The following SYNPR variants were observed in gnomAD, a reference collection of about 807,000 sequenced individuals.
SYNPR encodes the protein synaptoporin.
A neutral mutation model predicts 32.9 loss-of-function variants in SYNPR; 23 were observed. The observed-to-expected ratio is 0.70, with a 90% CI of 0.50 to 0.99. The LOEUF (loss-of-function observed/expected upper bound fraction) is 0.99, where lower values mean the gene tolerates loss of function less well. Among genes scored for constraint, SYNPR ranks in the 50% least tolerant of loss-of-function variants. The pLI, the probability that SYNPR is intolerant of heterozygous loss-of-function variation, is 0.00. For synonymous variants in SYNPR, 146 were observed against 135.9 expected, an observed-to-expected ratio of 1.07 and a Z score of -0.52; for missense variants, 318 against 349.3, an observed-to-expected ratio of 0.91 and a Z score of 0.71.
rs1245306095 is a variant in SYNPR, at chr3:63,595,735, ATATATAT to A, written c.409-13389_409-13383del. Among the ~76,000 whole-genome samples, 7 of 30,198 alleles carry A rather than the reference ATATATAT, an allele frequency of 2.3e-4. No individual in the cohort carries two copies. In the East Asian group the frequency reaches 0.012, roughly 50 times the overall value. 19.8% of individuals were successfully genotyped at this position (30,198 alleles called of 152,430 possible). On this transcript the variant is annotated intron_variant, in intron 4 of 5. Transcript: ENST00000478300. The stretch of plus-strand genomic sequence containing the variant: ...TCTTATTTTATATATATATATATAT[ATATATAT>A]ATATATATATATATATATATATATA...
intron 2 of SYNPR, chr3:63,445,616 T>C: frequency 1.5e-6 from 1 of 677,248 alleles, no homozygotes; most frequent in African/African-American, 1.8e-5. Context: ...GCTAAGCATT[T>C]TACATGGCTT....
chr3:63,271,950 G>C (rs1197319168), intron 3 of SYNPR, among the ~76,000 whole-genome samples: 1 of 152,048 alleles, frequency 6.6e-6, no homozygotes, highest in Non-Finnish European at 1.5e-5. Context: ...TGATGGCCTA[G>C]GGGTTCAAAG....
chr3:63,459,955 T>A (rs1700551017), intron 2 of SYNPR, among the ~76,000 whole-genome samples: 2 of 152,038 alleles, frequency 1.3e-5, no homozygotes, highest in African/African-American at 4.8e-5. Flanking sequence ...ACAATTTCCG[T>A]CAATCTGTCT....
At chr3:63,475,797 A>T (rs902758774) in intron 2 of SYNPR, among the ~76,000 whole-genome samples, 2 of 152,000 alleles carry the variant, frequency 1.3e-5, no homozygotes, top group Admixed American at 1.3e-4. Flanking sequence ...CATCCTGGCT[A>T]TATAACAGAA....
At chr3:63,238,421 T>C (rs1448235610) in intron 1 of SYNPR, among the ~76,000 whole-genome samples, 5 of 152,040 alleles carry the variant, frequency 3.3e-5, no homozygotes, top group Admixed American at 3.3e-4. Flanking sequence ...CTTTCTTTTC[T>C]CCTCAGCATT....
At position 63,306,021 on chromosome 3, in the gene SYNPR, C is replaced by T. The variant is rs115988668; in HGVS notation, c.84+27279C>T. Among the ~76,000 whole-genome samples the T allele has an allele frequency of 5.2e-3, 794 of 152,124 alleles. 9 individuals carry two copies. Among genetic ancestry groups the T allele is most frequent in the African/African-American group, 0.018 (768 of 41,530 alleles). ...CCAGTGTCTAACCCATCCTTCAAGGCCCAGTTTAGATGCCACTTCTCCATC... is the reference window on the plus strand; with the variant it reads ...CCAGTGTCTAACCCATCCTTCAAGGTCCAGTTTAGATGCCACTTCTCCATC... On this transcript the variant is annotated intron_variant, in intron 2 of 5. Coordinates refer to ENST00000478300, the MANE Select transcript of SYNPR (RefSeq NM_001130003.2).
intron 2 of SYNPR, among the ~76,000 whole-genome samples, chr3:63,460,968 A>G (rs1185156059): frequency 5.3e-5 from 8 of 152,086 alleles, no homozygotes; most frequent in African/African-American, 1.4e-4. Flanking sequence ...AATATTATGA[A>G]TGTGGAACTA....
At chr3:63,227,010 G>GA (rs202050997), upstream of SYNPR, among the ~76,000 whole-genome samples, 2,190 of 152,028 alleles carry the variant, frequency 0.014, 41 homozygotes, top group African/African-American at 0.049. Context: ...ATCAATAAAA[G>GA]AAAAAATCAA....
chr3:63,284,805 A>C (rs376690044), intron 2 of SYNPR, among the ~76,000 whole-genome samples: 1 of 152,304 alleles, frequency 6.6e-6, no homozygotes, highest in South Asian at 2.1e-4. Flanking sequence ...TTAAACTCCT[A>C]ATGAGAGAAG....
intron 3 of SYNPR, among the ~76,000 whole-genome samples, chr3:63,505,296 T>G (rs2106743613): frequency 6.6e-6 from 1 of 152,338 alleles, no homozygotes; most frequent in East Asian, 1.9e-4. Context: ...AGACCTCAAC[T>G]TAACACCTTA....
chr3:63,485,019 T>A (rs1701119476), intron 3 of SYNPR, among the ~76,000 whole-genome samples: 1 of 152,172 alleles, frequency 6.6e-6, no homozygotes, highest in African/African-American at 2.4e-5. Flanking sequence ...TAGGATTTGA[T>A]CATGCAGAGT....
intron 2 of SYNPR, among the ~76,000 whole-genome samples, chr3:63,311,668 G>A (rs553881838): frequency 1.1e-4 from 17 of 151,972 alleles, no homozygotes; most frequent in Admixed American, 1.1e-3. Flanking sequence ...CTGCTGCAGA[G>A]AATGCAATCT....
At chr3:63,231,930 G>T (rs191366169) in intron 1 of SYNPR, among the ~76,000 whole-genome samples, 1 of 152,070 alleles carries the variant, frequency 6.6e-6, no homozygotes, top group African/African-American at 2.4e-5. Flanking sequence ...AGTGAACCCC[G>T]CTGTTGTTCT....
chr3:63,481,258 G>A (rs1338847557), intron 3 of SYNPR, among the ~76,000 whole-genome samples: 3 of 152,042 alleles, frequency 2.0e-5, no homozygotes, highest in Admixed American at 6.6e-5. Context: ...TTTAAAATAC[G>A]ATCAAATAAA....
At chr3:63,310,851 G>C (rs2086956519) in intron 2 of SYNPR, among the ~76,000 whole-genome samples, 1 of 151,956 alleles carries the variant, frequency 6.6e-6, no homozygotes, top group Non-Finnish European at 1.5e-5. Flanking sequence ...GGAGACTCCT[G>C]GTGCATGCTC....
At chr3:63,220,087 G>A in the SYNPR span, among the ~76,000 whole-genome samples, 2 of 152,206 alleles carry the variant, frequency 1.3e-5, no homozygotes, top group African/African-American at 4.8e-5. Flanking sequence ...CCAAGTGCCT[G>A]AATCAGTGCC....
At chr3:63,485,256 G>T (rs1260583969) in intron 3 of SYNPR, among the ~76,000 whole-genome samples, 1 of 152,034 alleles carries the variant, frequency 6.6e-6, no homozygotes, top group East Asian at 1.9e-4. Context: ...ACACCAAAAG[G>T]AGAAGACCAA....
intron 2 of SYNPR, among the ~76,000 whole-genome samples, chr3:63,261,588 G>T: frequency 1.1e-5 from 1 of 90,486 alleles, no homozygotes; most frequent in Non-Finnish European, 2.0e-5. Flanking sequence ...AGGGGGGAGG[G>T]ATAGCATTAG....
intron 2 of SYNPR, among the ~76,000 whole-genome samples, chr3:63,434,683 T>A (rs894509729): frequency 4.6e-5 from 7 of 152,230 alleles, no homozygotes; most frequent in Admixed American, 3.3e-4. Context: ...CAACAACTAT[T>A]CATCTTCTGG....
Sources: gnomAD v4.1 joint callset for allele counts (sites outside exome capture counted in the v4.1 genomes callset) on GRCh38, gnomAD v4.1.1 for gene constraint, MANE v1.5 for transcripts, NCBI Gene and HGNC (gene_info 2026-07-23, HGNC 2026-07-21) for gene names.